SDCBP2: variants seen among roughly 807,000 people sequenced by gnomAD.
SDCBP2 encodes syndecan binding protein 2.
In SDCBP2, 28 loss-of-function variants were observed where a neutral mutation model predicts 30.7. The ratio of observed to expected loss-of-function variants is 0.91; its 90% CI spans 0.68 to 1.25. The LOEUF (loss-of-function observed/expected upper bound fraction) is 1.25. SDCBP2 is among the 50% of genes most tolerant of loss of function. The pLI, the probability that SDCBP2 is intolerant of heterozygous loss-of-function variation, is 0.00. For synonymous variants in SDCBP2, 166 were observed against 157.3 expected (o/e 1.06, Z -0.41); for missense variants, 399 against 379.0 (o/e 1.05, Z -0.44).
Position 1,327,555 on chromosome 20 carries a change from G to A in SDCBP2, c.-20+1530C>T, listed in dbSNP as rs566145315. Among the ~76,000 whole-genome samples the A allele has an allele frequency of 5.3e-5, 8 of 152,316 alleles. No individual in the cohort carries two copies. In the South Asian group the frequency reaches 8.3e-4, roughly 16 times the overall value. ...CTCTCAGTGCTGCACTGCCTGCTGGGGAAAAGCTGTGACTTCCTCAAGCAG... is the reference window on the plus strand; with the variant it reads ...CTCTCAGTGCTGCACTGCCTGCTGGAGAAAAGCTGTGACTTCCTCAAGCAG... On this transcript the variant is annotated intron_variant, in intron 1 of 8. Coordinates refer to ENST00000360779, the MANE Select transcript of SDCBP2 (RefSeq NM_080489.5).
intron 1 of SDCBP2, chr20:1,325,552 AG>A (rs1489993720): frequency 6.6e-6 from 1 of 152,246 alleles, no homozygotes; most frequent in Non-Finnish European, 1.5e-5. Flanking sequence ...AGTAAGGCAT[AG>A]GAAGACTTGG....
chr20:1,315,101 T>G (rs1303007813), intron 4 of SDCBP2, among the ~76,000 whole-genome samples: 1 of 152,258 alleles, frequency 6.6e-6, no homozygotes, highest in Non-Finnish European at 1.5e-5. Context: ...TTTCAAGACT[T>G]ATTATATATA....
Position 1,313,494 on chromosome 20 carries a change from G to T in SDCBP2, c.230C>A (p.Ala77Glu). ...LLQIPEGDST[A>E]VSGPGPGQMV... ...CTGGCCGGGCCCGGGGCCCGAGACC[G>T]CTGTCTGCAGACACCAGGGGGCAGG... Residue 77 changes from alanine to glutamate, a missense_variant, in exon 5 of 9, where the codon GCG becomes GAG. Transcript: ENST00000360779. The surrounding 1 kb of genome is among the most constrained non-coding windows in gnomAD (Gnocchi z 5.2). 1.3e-6 allele frequency: 2 copies of T among 1,586,410 alleles called. No individual in the cohort carries two copies. The highest frequency in any genetic ancestry group is 1.1e-5 in the South Asian group (1 of 88,120).
intron 1 of SDCBP2, among the ~76,000 whole-genome samples, chr20:1,328,611 G>A (rs1467199652): frequency 6.6e-6 from 1 of 152,198 alleles, no homozygotes; most frequent in Non-Finnish European, 1.5e-5. Flanking sequence ...CCAGTTCTTA[G>A]AAAGGTGAAG....
chr20:1,320,499 A>T lies in SDCBP2; in HGVS notation c.-19-64T>A. The stretch of plus-strand genomic sequence containing the variant: ...CTGATGCCCCCTTGAAAGGAGGCAC[A>T]GACATCCGCAACAGCAAGCGGGTTG... On this transcript the variant is annotated intron_variant, in intron 1 of 8. Coordinates refer to ENST00000360779, the MANE Select transcript of SDCBP2 (RefSeq NM_080489.5). This position sits in a 1 kb window ranked among gnomAD's most constrained non-coding sequence, Gnocchi z 4.7. 2.4e-6 allele frequency: 3 copies of T among 1,275,448 alleles called. No individual in the cohort carries two copies. The highest frequency in any genetic ancestry group is 3.4e-6 in the Non-Finnish European group (3 of 895,194). The allele number at this position is 1,275,448 out of a possible 1,614,324, so 79.0% of individuals were successfully genotyped here.
At position 1,310,365 on chromosome 20, in the gene SDCBP2, C is replaced by T; in HGVS notation, c.*76G>A. The T allele has an allele frequency of 6.8e-7, 1 of 1,476,756 alleles. No homozygotes were observed. Among genetic ancestry groups the T allele is most frequent in the Non-Finnish European group, 9.4e-7 (1 of 1,062,254 alleles). 91.5% of individuals were successfully genotyped at this position (1,476,756 alleles called of 1,614,324 possible). Reference sequence around the variant, plus strand: ...CCTTAAGCAGCAGGCCGGCTGCAACCCATCATCCGAGGGTGGTTGCCCTTT... The same window carrying T: ...CCTTAAGCAGCAGGCCGGCTGCAACTCATCATCCGAGGGTGGTTGCCCTTT... On this transcript the variant is annotated 3_prime_UTR_variant, in exon 9 of 9. Coordinates refer to ENST00000360779, the MANE Select transcript of SDCBP2 (RefSeq NM_080489.5).
chr20:1,327,406 G>A (rs192473848), intron 1 of SDCBP2, among the ~76,000 whole-genome samples: 2 of 152,322 alleles, frequency 1.3e-5, no homozygotes, highest in East Asian at 3.9e-4. Context: ...GACAGTGCGC[G>A]GGAGGGAAGC....
intron 4 of SDCBP2, among the ~76,000 whole-genome samples, chr20:1,315,969 G>A (rs1367139854): frequency 6.6e-6 from 1 of 152,178 alleles, no homozygotes; most frequent in African/African-American, 2.4e-5. Context: ...TGGGCATGGT[G>A]GTGTGCACCT....
rs777959612 is a variant in SDCBP2 at position 1,313,475 on chromosome 20, G to C, written c.249C>G (p.Pro83=). 7 of 1,593,664 alleles carry C rather than the reference G, an allele frequency of 4.4e-6. No homozygotes were observed. Among genetic ancestry groups the C allele is most frequent in the Non-Finnish European group, 6.0e-6 (7 of 1,173,412 alleles). ...GDSTAVSGPG[P]GQMVAPVTGY... The stretch of plus-strand genomic sequence containing the variant: ...CGGTTACCGGTGCCACCATCTGGCC[G>C]GGCCCGGGGCCCGAGACCGCTGTCT... Residue 83 remains proline (P), a synonymous_variant, in exon 5 of 9, where the codon CCC becomes CCG. Coordinates refer to ENST00000360779, the MANE Select transcript of SDCBP2 (RefSeq NM_080489.5). The surrounding 1 kb of genome is among the most constrained non-coding windows in gnomAD (Gnocchi z 5.2).
intron 1 of SDCBP2, among the ~76,000 whole-genome samples, chr20:1,328,261 A>G (rs1165079181): frequency 2.6e-5 from 4 of 152,112 alleles, no homozygotes; most frequent in Non-Finnish European, 5.9e-5. Flanking sequence ...TTTGGCATTT[A>G]CTGTAGTGAG....
chr20:1,312,429 A>G lies in SDCBP2; in HGVS notation c.640T>C (p.Ser214Pro), dbSNP rs776572293. The G allele has an allele frequency of 3.7e-6, 6 of 1,614,002 alleles. No individual in the cohort carries two copies. Among genetic ancestry groups the G allele is most frequent in the Non-Finnish European group, 5.1e-6 (6 of 1,179,954 alleles). Residue 214 changes from serine to proline, a missense_variant, in exon 7 of 9, where the codon TCT becomes CCT. By Grantham distance (74) the Ser-to-Pro change is moderately conservative. Transcript: ENST00000360779. ...GCCGCAGAACTCCCTTTGACCAGAG[A>G]GACAATCTTCCCCTTCTTGATCACG... is the stretch of plus-strand genomic sequence containing the variant. ...GFVIKKGKIV[S>P]LVKGSSAARN...
At position 1,312,660 on chromosome 20, in the gene SDCBP2, A is replaced by G. The variant is rs1180710751; in HGVS notation, c.487T>C (p.Trp163Arg). 6.2e-7 allele frequency: 1 copy of G among 1,614,020 alleles called. No individual in the cohort carries two copies. Among genetic ancestry groups the G allele is most frequent in the Admixed American group, 1.7e-5 (1 of 60,016 alleles). The part of the protein sequence containing the change: ...LQIDGRDCAG[W>R]SSHKAHQVVK... ...ACCTGATGGGCTTTGTGCGAGCTCC[A>G]CCCAGCACAGTCACGCCCGTCAATC... Residue 163 changes from tryptophan (W) to arginine (R), a missense_variant, in exon 6 of 9, where the codon TGG becomes CGG. Physicochemically the swap from Trp to Arg is moderately radical, Grantham distance 101 (BLOSUM62 -3). Transcript: ENST00000360779.
chr20:1,312,616 G>T lies in SDCBP2; in HGVS notation c.531C>A (p.Gly177=), dbSNP rs751628959. ...KAHQVVKKAS[G]DKIVVVVRDR... is the part of the protein sequence containing the mutation. ...CCCGAACCACCACGACAATCTTATC[G>T]CCTGATGCCTTCTTCACCACCTGAT... Residue 177 remains glycine (G), a synonymous_variant, in exon 6 of 9, where the codon GGC becomes GGA. Coordinates refer to ENST00000360779, the MANE Select transcript of SDCBP2 (RefSeq NM_080489.5). The T allele has an allele frequency of 1.9e-6, 3 of 1,614,056 alleles. No individual in the cohort carries two copies. The highest frequency in any genetic ancestry group is 2.2e-5 in the East Asian group (1 of 44,860).
chr20:1,318,530 T>A, intron 3 of SDCBP2, 112 bp from the exon 4 acceptor site: 1 of 646,914 alleles, frequency 1.5e-6, no homozygotes, highest in Non-Finnish European at 2.7e-6. Flanking sequence ...AGCCTGGGAA[T>A]GGTATTTATT....
At position 1,310,416 on chromosome 20, in the gene SDCBP2, C is replaced by G; in HGVS notation, c.*25G>C. 2 of 1,612,020 alleles carry G rather than the reference C, an allele frequency of 1.2e-6. No individual in the cohort carries two copies. Among genetic ancestry groups the G allele is most frequent in the South Asian group, 1.1e-5 (1 of 91,006 alleles). On this transcript the variant is annotated 3_prime_UTR_variant, in exon 9 of 9. Coordinates refer to ENST00000360779, the MANE Select transcript of SDCBP2 (RefSeq NM_080489.5). ...GCTGCAGGAGGGCGGGAAGCCCCCC[C>G]TGCCTGCCCTGCCCTGCAGTGGCTT...
rs1365612301 is a variant in SDCBP2 at position 1,312,346 on chromosome 20, G to A, written c.723C>T (p.Ile241=). 12 of 1,612,788 alleles carry A rather than the reference G, an allele frequency of 7.4e-6. No individual in the cohort carries two copies. Among genetic ancestry groups the A allele is most frequent in the South Asian group, 6.6e-5 (6 of 90,866 alleles). ...YVCEVDGQNV[I]GLKDKKIMEI... is the part of the protein sequence containing the mutation. ...GCGGCCACCAGCCTACCTTCAGCCCGATAACATTCTGCCCGTCCACCTCAC... is the reference window on the plus strand; with the variant it reads ...GCGGCCACCAGCCTACCTTCAGCCCAATAACATTCTGCCCGTCCACCTCAC... Residue 241 remains isoleucine (I), a synonymous_variant, in exon 7 of 9, where the codon ATC becomes ATT. Transcript: ENST00000360779.
chr20:1,316,660 G>A (rs1298734153), intron 4 of SDCBP2, among the ~76,000 whole-genome samples: 1 of 152,184 alleles, frequency 6.6e-6, no homozygotes, highest in East Asian at 1.9e-4. Context: ...AAAGTACTGG[G>A]ATTACAGGCA....
In SDCBP2 at chr20:1,312,594, G is replaced by C; in HGVS notation, c.553C>G (p.Arg185Gly). Reference sequence around the variant, plus strand: ...CCGGGCCTGGCTACTCACCTGTCCCGAACCACCACGACAATCTTATCGCCT... The same window carrying C: ...CCGGGCCTGGCTACTCACCTGTCCCCAACCACCACGACAATCTTATCGCCT... ...ASGDKIVVVV[R>G]DRPFQRTVTM... The change falls in exon 6 of 9, where the codon CGG (arginine) becomes GGG (glycine). Residue 185 changes from arginine (R) to glycine (G), a missense_variant. Arg to Gly is a moderately radical substitution (Grantham distance 125). Transcript: ENST00000360779. 1 of 1,613,788 alleles carries C rather than the reference G, an allele frequency of 6.2e-7. No individual in the cohort carries two copies. The highest frequency in any genetic ancestry group is 8.5e-7 in the Non-Finnish European group (1 of 1,179,788).
chr20:1,318,236 A>G (rs1600281287), intron 4 of SDCBP2, 82 bp downstream of exon 4: 1 of 928,052 alleles, frequency 1.1e-6, no homozygotes. Flanking sequence ...GAGAGAAAGA[A>G]GGTCTGTTGA....
Sources: allele counts gnomAD v4.1 joint callset (sites outside exome capture counted in the v4.1 genomes callset), GRCh38; gene constraint gnomAD v4.1.1; non-coding constraint Gnocchi (gnomAD v3.1); transcripts MANE v1.5; gene names NCBI Gene and HGNC (gene_info 2026-07-23, HGNC 2026-07-21).